The following PTPRK variants were observed in gnomAD, a reference collection of about 807,000 sequenced individuals.
The protein encoded by PTPRK is protein tyrosine phosphatase receptor type K.
PTPRK carries 75 observed loss-of-function variants against 178.0 expected under a neutral mutation model. The observed-to-expected ratio is 0.42, with a 90% CI of 0.35 to 0.51. The LOEUF (loss-of-function observed/expected upper bound fraction) is 0.51, where lower values mean the gene tolerates loss of function less well. Among genes scored for constraint, PTPRK ranks in the 20% least tolerant of loss-of-function variants. The pLI is 0.02. For synonymous variants in PTPRK, 637 were observed against 620.6 expected (o/e 1.03, Z -0.39); for missense variants, 1,441 against 1,797.8 (o/e 0.80, Z 3.59).
intron 3 of PTPRK, among the ~76,000 whole-genome samples, chr6:128,291,132 A>G (rs1366087820): frequency 6.6e-6 from 1 of 152,064 alleles, no homozygotes; most frequent in African/African-American, 2.4e-5. Context: ...TGTAATCATA[A>G]GAGTCTTTAA....
chr6:128,286,797 T>C (rs74496727), intron 3 of PTPRK, among the ~76,000 whole-genome samples: 1,540 of 152,330 alleles, frequency 0.01, 25 homozygotes, highest in African/African-American at 0.033. Context: ...CAAAGATTAA[T>C]TTAAAGCTTT....
chr6:128,113,513 T>A (rs1791007789), intron 7 of PTPRK, among the ~76,000 whole-genome samples: 1 of 151,730 alleles, frequency 6.6e-6, no homozygotes, highest in Non-Finnish European at 1.5e-5. Context: ...AAAAATACAG[T>A]ATAACAACTA....
At chr6:128,264,010 GACT>G (rs1818571380) in intron 3 of PTPRK, among the ~76,000 whole-genome samples, 1 of 150,964 alleles carries the variant, frequency 6.6e-6, no homozygotes, top group Non-Finnish European at 1.5e-5. Context: ...GTATGAAGCA[GACT>G]ACTACATCAA....
intron 13 of PTPRK, chr6:128,062,052 G>C (rs1290680968): frequency 6.6e-6 from 1 of 152,034 alleles, no homozygotes; most frequent in Non-Finnish European, 1.5e-5. Context: ...ACTATTAAAT[G>C]TTTCTTCAAA....
At chr6:128,125,597 CTTTTCTT>C (rs1562629746) in intron 7 of PTPRK, among the ~76,000 whole-genome samples, 8 of 82,142 alleles carry the variant, frequency 9.7e-5, no homozygotes, top group South Asian at 7.2e-4. Context: ...TGCCTTTGGG[CTTTTCTT>C]TTTTTTTTTT....
chr6:128,122,680 C>T (rs1792674415), intron 7 of PTPRK, among the ~76,000 whole-genome samples: 1 of 152,174 alleles, frequency 6.6e-6, no homozygotes, highest in Non-Finnish European at 1.5e-5. Context: ...TTCTTCACTA[C>T]TCAGTGCTTT....
intron 1 of PTPRK, among the ~76,000 whole-genome samples, chr6:128,506,477 A>C (rs1224432826): frequency 6.6e-6 from 1 of 151,932 alleles, no homozygotes; most frequent in Non-Finnish European, 1.5e-5. Context: ...TATACATGGC[A>C]AGACCCTGAT....
intron 1 of PTPRK, among the ~76,000 whole-genome samples, chr6:128,437,000 A>T (rs1845685879): frequency 6.6e-6 from 1 of 152,178 alleles, no homozygotes. Context: ...TTTTTAATTT[A>T]TGATGGTTAA....
intron 3 of PTPRK, among the ~76,000 whole-genome samples, chr6:128,297,068 T>C (rs1297103508): frequency 2.0e-5 from 3 of 151,284 alleles, no homozygotes; most frequent in Non-Finnish European, 4.4e-5. Flanking sequence ...AGGCAGGGGT[T>C]GCAATCCTAG....
chr6:128,031,850 A>T (rs1342074013), intron 13 of PTPRK, among the ~76,000 whole-genome samples: 1 of 152,180 alleles, frequency 6.6e-6, no homozygotes, highest in Non-Finnish European at 1.5e-5. Flanking sequence ...TTTCCCTGTA[A>T]GAAAAACACT....
chr6:128,362,223 G>A (rs868130871), intron 2 of PTPRK, among the ~76,000 whole-genome samples: 5 of 152,032 alleles, frequency 3.3e-5, no homozygotes, highest in South Asian at 4.2e-4. Flanking sequence ...CATTTTACAC[G>A]GTGAAAGTGG....
chr6:128,472,693 A>AAT, intron 1 of PTPRK: 1 of 354,872 alleles, frequency 2.8e-6, no homozygotes, highest in Non-Finnish European at 5.5e-6. Flanking sequence ...ATATTTCAAT[A>AAT]ATATATATTT....
chr6:128,243,381 C>T (rs1018322746), intron 3 of PTPRK, among the ~76,000 whole-genome samples: 14 of 146,868 alleles, frequency 9.5e-5, no homozygotes, highest in East Asian at 2.0e-4. Context: ...TGGCTGGGTG[C>T]GGTAACTCAC....
chr6:128,399,329 C>T (rs1247003283), intron 1 of PTPRK, among the ~76,000 whole-genome samples: 4 of 152,172 alleles, frequency 2.6e-5, no homozygotes, highest in Non-Finnish European at 5.9e-5. Flanking sequence ...GTCATGGTGG[C>T]ACTACAAGCT....
chr6:128,132,462 G>A (rs551385010), intron 7 of PTPRK, among the ~76,000 whole-genome samples: 45 of 152,318 alleles, frequency 3.0e-4, no homozygotes, highest in Admixed American at 2.3e-3. Flanking sequence ...GTAAGCCACA[G>A]CGCCCAGCCC....
chr6:128,253,059 T>C (rs983483526), intron 3 of PTPRK, among the ~76,000 whole-genome samples: 5 of 152,158 alleles, frequency 3.3e-5, no homozygotes, highest in Admixed American at 3.3e-4. Flanking sequence ...ACCCCTGCTC[T>C]CTTCTGAGGC....
intron 7 of PTPRK, among the ~76,000 whole-genome samples, chr6:128,090,541 A>G (rs766036737): frequency 6.6e-6 from 1 of 152,210 alleles, no homozygotes; most frequent in Non-Finnish European, 1.5e-5. Context: ...GAGAAAAATT[A>G]CAAGAACATA....
At chr6:127,987,992 G>A (rs1776164008) in intron 21 of PTPRK, among the ~76,000 whole-genome samples, 1 of 152,030 alleles carries the variant, frequency 6.6e-6, no homozygotes, top group Non-Finnish European at 1.5e-5. Flanking sequence ...GTACTTTAAT[G>A]TACTGACATA....
At chr6:128,151,577 C>T (rs976311052) in intron 7 of PTPRK, among the ~76,000 whole-genome samples, 1 of 151,816 alleles carries the variant, frequency 6.6e-6, no homozygotes, top group Non-Finnish European at 1.5e-5. Flanking sequence ...AAAGTGTGCA[C>T]ACACACATAT....
Sources: gnomAD v4.1 joint callset for allele counts (sites outside exome capture counted in the v4.1 genomes callset) on GRCh38, gnomAD v4.1.1 for gene constraint, MANE v1.5 for transcripts, NCBI Gene and HGNC (gene_info 2026-07-23, HGNC 2026-07-21) for gene names.